Variants in CDK15 observed in about 807,000 individuals in gnomAD.
CDK15 encodes cyclin dependent kinase 15.
Under a neutral mutation model 60.3 loss-of-function variants are expected in CDK15, and 62 were observed. The observed-to-expected ratio is 1.03, with a 90% CI of 0.84 to 1.27. CDK15 has a LOEUF of 1.27. Among genes scored for constraint, CDK15 ranks in the 50% most tolerant of loss-of-function variants. The pLI is 0.00. For synonymous variants in CDK15, 194 were observed against 195.7 expected (o/e 0.99, Z 0.07); for missense variants, 541 against 527.8 (o/e 1.03, Z -0.25).
chr2:201,837,257 C>T (rs1026736080), intron 8 of CDK15, among the ~76,000 whole-genome samples: 2 of 150,150 alleles, frequency 1.3e-5, no homozygotes, highest in Non-Finnish European at 3.0e-5. Flanking sequence ...CCCTGCAATC[C>T]AGCCTGGGTT....
At chr2:201,854,989 A>G (rs1336486468) in intron 10 of CDK15, 52 bp downstream of exon 10, 4 of 1,547,308 alleles carry the variant, frequency 2.6e-6, no homozygotes, top group Non-Finnish European at 3.6e-6. Context: ...ATGTAAGGAG[A>G]GCATTGGCCA....
chr2:201,875,496 T>C (rs1355836115), intron 11 of CDK15, among the ~76,000 whole-genome samples: 1 of 152,190 alleles, frequency 6.6e-6, no homozygotes, highest in Non-Finnish European at 1.5e-5. Flanking sequence ...CAAAGATTTC[T>C]CTTTGAGAAT....
intron 8 of CDK15, among the ~76,000 whole-genome samples, chr2:201,836,100 A>T (rs1177115134): frequency 8.3e-6 from 1 of 121,088 alleles, no homozygotes; most frequent in Admixed American, 1.1e-4. Flanking sequence ...ATTTATATAT[A>T]TTTATATATT....
At position 201,833,965 on chromosome 2, in the gene CDK15, G is replaced by C. The variant is rs370176322; in HGVS notation, c.724G>C (p.Asp242His). 1 of 1,613,324 alleles carries C rather than the reference G, an allele frequency of 6.2e-7. No individual in the cohort carries two copies. The highest frequency in any genetic ancestry group is 8.5e-7 in the Non-Finnish European group (1 of 1,179,756). ...ISHLGELKLA[D>H]FGLARAKSIP... ...TCACCTGGGAGAGCTCAAACTGGCT[G>C]ATTTTGGTAAGTCGCCCCTCGGGTC... The change falls in exon 7 of 14, where the codon GAT (aspartate) becomes CAT (histidine). Residue 242 changes from aspartate (D) to histidine (H), a missense_variant. Transcript: ENST00000652192.
intron 2 of CDK15, 38 bp downstream of exon 2, chr2:201,807,681 T>C (rs776537698): frequency 6.8e-6 from 11 of 1,612,704 alleles, no homozygotes; most frequent in Middle Eastern, 1.7e-4. Context: ...AAGAATTTAA[T>C]GTGAGCTTGT....
At chr2:201,818,915 T>C (rs760975551) in intron 4 of CDK15, among the ~76,000 whole-genome samples, 2 of 152,146 alleles carry the variant, frequency 1.3e-5, no homozygotes, top group Admixed American at 6.6e-5. Context: ...TAAATATTTA[T>C]TGAGTGCCAG....
Position 201,850,460 on chromosome 2 carries a change from G to T in CDK15, c.945+2986G>T, listed in dbSNP as rs574640760. On this transcript the variant is annotated intron_variant, in intron 9 of 13. Transcript: ENST00000652192. ...GGACTCACAATGGGCTAGGTACTAT[G>T]CTGGAAAGAGAAAAAATAATAATTT... 5.9e-5 allele frequency among the ~76,000 whole-genome samples: 9 copies of T among 152,220 alleles called. No individual in the cohort carries two copies. The East Asian group carries it at 1.7e-3, about 29-fold the overall frequency.
intron 12 of CDK15, among the ~76,000 whole-genome samples, chr2:201,880,961 A>C (rs1015446476): frequency 6.6e-6 from 1 of 152,178 alleles, no homozygotes; most frequent in African/African-American, 2.4e-5. Context: ...GGAAGGAAAA[A>C]CAGAAGAGAG....
At chr2:201,853,307 G>T (rs972465352) in intron 9 of CDK15, among the ~76,000 whole-genome samples, 10 of 152,282 alleles carry the variant, frequency 6.6e-5, no homozygotes, top group African/African-American at 2.2e-4. Context: ...GATCAAAGAA[G>T]GAAGATTTTA....
intron 3 of CDK15, 84 bp downstream of exon 3, chr2:201,808,036 A>G: frequency 8.9e-7 from 1 of 1,123,710 alleles, no homozygotes; most frequent in Non-Finnish European, 1.3e-6. Context: ...GTGAGACATC[A>G]TAGAAGTTCA....
chr2:201,861,051 C>A, intron 10 of CDK15: 1 of 1,127,346 alleles, frequency 8.9e-7, no homozygotes. Context: ...GGGAGTTATT[C>A]AGTGGGTTGA....
intron 6 of CDK15, among the ~76,000 whole-genome samples, chr2:201,831,969 C>A (rs1339457729): frequency 2.6e-5 from 4 of 152,088 alleles, no homozygotes; most frequent in Non-Finnish European, 5.9e-5. Flanking sequence ...AGGTTGTATC[C>A]CTCACTGGTC....
intron 11 of CDK15, among the ~76,000 whole-genome samples, chr2:201,872,589 T>A (rs1348946684): frequency 1.3e-5 from 2 of 151,564 alleles, no homozygotes; most frequent in Non-Finnish European, 2.9e-5. Flanking sequence ...AACGAGGGAG[T>A]GTTGGTCTGC....
chr2:201,844,682 G>C (rs1048120096), intron 8 of CDK15, among the ~76,000 whole-genome samples: 8 of 152,188 alleles, frequency 5.3e-5, no homozygotes, highest in Non-Finnish European at 1.0e-4. Flanking sequence ...GGCCAAGCGT[G>C]TGGTGGCTCA....
At chr2:201,848,812 C>T (rs966699581) in intron 9 of CDK15, among the ~76,000 whole-genome samples, 1 of 151,856 alleles carries the variant, frequency 6.6e-6, no homozygotes, top group Non-Finnish European at 1.5e-5. Flanking sequence ...ATAAAATGTA[C>T]TTTGTGAAAT....
intron 10 of CDK15, among the ~76,000 whole-genome samples, chr2:201,865,066 T>C (rs1047830465): frequency 1.3e-5 from 2 of 151,966 alleles, no homozygotes; most frequent in African/African-American, 2.4e-5. Flanking sequence ...AGGAGACTAG[T>C]AGGTAATCCT....
intron 11 of CDK15, among the ~76,000 whole-genome samples, chr2:201,876,177 T>A (rs890393034): frequency 5.3e-5 from 8 of 152,248 alleles, no homozygotes; most frequent in Admixed American, 3.9e-4. Flanking sequence ...CAGTGGATAA[T>A]TGTTCCAGCG....
intron 3 of CDK15, among the ~76,000 whole-genome samples, chr2:201,810,966 C>T (rs1265035403): frequency 6.6e-6 from 1 of 150,664 alleles, no homozygotes; most frequent in Non-Finnish European, 1.5e-5. Context: ...TCTCAGCCTC[C>T]TGAGTAGCTG....
At chr2:201,830,010 G>T (rs995463041) in intron 6 of CDK15, among the ~76,000 whole-genome samples, 1 of 152,068 alleles carries the variant, frequency 6.6e-6, no homozygotes, top group Non-Finnish European at 1.5e-5. Context: ...GTTTCACCAT[G>T]TTGGCCAGGC....
Sources: allele counts gnomAD v4.1 joint callset (sites outside exome capture counted in the v4.1 genomes callset), GRCh38; gene constraint gnomAD v4.1.1; transcripts MANE v1.5; gene names NCBI Gene and HGNC (gene_info 2026-07-23, HGNC 2026-07-21).